The following ANKH variants were observed in gnomAD, a reference collection of about 807,000 sequenced individuals.
The protein encoded by ANKH is mineralization regulator ANKH.
Under a neutral mutation model 49.0 loss-of-function variants are expected in ANKH, and 15 were observed. That is an observed-to-expected ratio of 0.31 (90% CI 0.20 to 0.47). The LOEUF is 0.47. Among genes scored for constraint, ANKH ranks in the 20% least tolerant of loss-of-function variants. The pLI, the probability that ANKH is intolerant of heterozygous loss-of-function variation, is 1.00. For missense variants in ANKH, 429 were observed against 652.0 expected (o/e 0.66, Z 3.72); for synonymous variants, 273 against 260.0 (o/e 1.05, Z -0.48).
At chr5:14,751,645 A>AT (rs1351602828) in intron 4 of ANKH, among the ~76,000 whole-genome samples, 9 of 152,224 alleles carry the variant, frequency 5.9e-5, no homozygotes, top group Admixed American at 3.9e-4. Flanking sequence ...AAACCGAGAG[A>AT]TTTTTTGTAC....
At chr5:14,742,633 G>T (rs1045456856) in intron 7 of ANKH, among the ~76,000 whole-genome samples, 2 of 152,176 alleles carry the variant, frequency 1.3e-5, no homozygotes, top group Non-Finnish European at 2.9e-5. Context: ...GCTCTCTGAG[G>T]GCAGGCATCA....
At chr5:14,822,958 C>A (rs1329868805) in intron 1 of ANKH, among the ~76,000 whole-genome samples, 1 of 151,654 alleles carries the variant, frequency 6.6e-6, no homozygotes, top group Non-Finnish European at 1.5e-5. Flanking sequence ...GGCGTGAACC[C>A]GGAAGGCGGA....
Position 14,793,035 on chromosome 5 carries a change from A to T in ANKH, c.97-23844T>A, listed in dbSNP as rs7726096. On this transcript the variant is annotated intron_variant, in intron 1 of 11. Coordinates refer to ENST00000284268, the MANE Select transcript of ANKH (RefSeq NM_054027.6). ...ATATATATATAAATATATATATATA[A>T]AAATATATATATAAATATATATAAA... is the stretch of plus-strand genomic sequence containing the variant. Among the ~76,000 whole-genome samples the T allele has an allele frequency of 6.5e-3, 469 of 71,984 alleles. 4 individuals are homozygous for T. The highest frequency in any genetic ancestry group is 0.018 in the African/African-American group (293 of 16,048). The allele number at this position is 71,984 out of a possible 152,430, so 47.2% of individuals were successfully genotyped here. A position where few individuals can be genotyped will look rare whatever the true frequency, so the allele number is the denominator to read the frequency against.
chr5:14,821,113 T>A (rs866189425), intron 1 of ANKH, among the ~76,000 whole-genome samples: 2,286 of 135,336 alleles, frequency 0.017, 46 homozygotes, highest in African/African-American at 0.059. Context: ...AAAAAAAAAA[T>A]TTCAGTTATT....
intron 9 of ANKH, among the ~76,000 whole-genome samples, chr5:14,715,898 T>C (rs77484741): frequency 0.043 from 6,585 of 152,358 alleles, 184 homozygotes; most frequent in Middle Eastern, 0.12. Context: ...GTTTCTTTTC[T>C]GACCATCCAT....
At chr5:14,828,517 C>T (rs1028176181) in intron 1 of ANKH, among the ~76,000 whole-genome samples, 1 of 152,036 alleles carries the variant, frequency 6.6e-6, no homozygotes, top group African/African-American at 2.4e-5. Context: ...ACAGAGACTC[C>T]GTCTCAAAAA....
intron 1 of ANKH, among the ~76,000 whole-genome samples, chr5:14,856,713 T>G (rs940795584): frequency 6.6e-6 from 1 of 152,160 alleles, no homozygotes; most frequent in Non-Finnish European, 1.5e-5. Flanking sequence ...AAAGAACGTT[T>G]TCTCTTTGAT....
chr5:14,757,430 A>ATATATATATTTTTTTT (rs1379233165), intron 3 of ANKH, among the ~76,000 whole-genome samples: 8 of 113,788 alleles, frequency 7.0e-5, no homozygotes, highest in African/African-American at 1.3e-4. Flanking sequence ...ATATATATAT[A>ATATATATATTTTTTTT]TTTTTTTTTT....
chr5:14,715,251 C>T (rs757383476), intron 9 of ANKH, among the ~76,000 whole-genome samples: 1 of 152,212 alleles, frequency 6.6e-6, no homozygotes, highest in Admixed American at 6.5e-5. Flanking sequence ...CCTGCCTTAG[C>T]CTCCTGAGTA....
chr5:14,758,842 G>A (rs1168068156), intron 2 of ANKH, among the ~76,000 whole-genome samples: 4 of 152,170 alleles, frequency 2.6e-5, no homozygotes, highest in East Asian at 3.8e-4. Context: ...ACGTAAAAAC[G>A]AGATTGTATT....
At chr5:14,805,396 ACG>A (rs1491341328) in intron 1 of ANKH, among the ~76,000 whole-genome samples, 4 of 78,042 alleles carry the variant, frequency 5.1e-5, no homozygotes, top group African/African-American at 2.3e-4. Context: ...GTGTATATAT[ACG>A]TGTGTGTGTG....
chr5:14,716,613 G>A (rs1737471957), intron 9 of ANKH, 93 bp downstream of exon 9: 1 of 1,549,380 alleles, frequency 6.5e-7, no homozygotes, highest in Non-Finnish European at 8.9e-7. Context: ...TTTTACATTT[G>A]TGTTGGTGAC....
chr5:14,789,744 C>G (rs967111871), intron 1 of ANKH, among the ~76,000 whole-genome samples: 2 of 152,186 alleles, frequency 1.3e-5, no homozygotes, highest in Non-Finnish European at 2.9e-5. Flanking sequence ...CAGGATCTCA[C>G]TCTGTTGCCT....
chr5:14,730,807 C>T (rs890875988), intron 8 of ANKH, among the ~76,000 whole-genome samples: 3 of 152,232 alleles, frequency 2.0e-5, no homozygotes, highest in African/African-American at 7.2e-5. Context: ...CTCTATCTTG[C>T]CAGCTGCGCC....
At chr5:14,784,471 G>A (rs935602767) in intron 1 of ANKH, among the ~76,000 whole-genome samples, 5 of 152,154 alleles carry the variant, frequency 3.3e-5, no homozygotes, top group Admixed American at 6.5e-5. Flanking sequence ...GGCGGTGCAC[G>A]GCCTCACACA....
rs748110524 is a variant in ANKH at position 14,713,579 on chromosome 5, G to A, written c.1230C>T (p.Val410=). Reference sequence around the variant, plus strand: ...GTAGGACCACGAGGCTGGCGATGAGGACGATGATCCGCAGCACAGAGCTGG... The same window carrying A: ...GTAGGACCACGAGGCTGGCGATGAGAACGATGATCCGCAGCACAGAGCTGG... ...LAPSSVLRII[V]LIASLVVLPY... is the part of the protein sequence containing the mutation. The change falls in exon 10 of 12, where the codon GTC becomes GTT. Residue 410 remains valine (V), a synonymous_variant. Transcript: ENST00000284268. The surrounding 1 kb of genome is among the most constrained non-coding windows in gnomAD (Gnocchi z 4.4). The A allele has an allele frequency of 1.2e-6, 2 of 1,614,228 alleles. No homozygotes were observed. Among genetic ancestry groups the A allele is most frequent in the Non-Finnish European group, 1.7e-6 (2 of 1,180,048 alleles).
intron 1 of ANKH, among the ~76,000 whole-genome samples, chr5:14,791,156 G>A (rs967731382): frequency 6.6e-6 from 1 of 152,124 alleles, no homozygotes; most frequent in Non-Finnish European, 1.5e-5. Flanking sequence ...GAAATCACGT[G>A]GACCATCAGG....
chr5:14,840,456 T>C (rs1741785239), intron 1 of ANKH, among the ~76,000 whole-genome samples: 1 of 152,180 alleles, frequency 6.6e-6, no homozygotes, highest in East Asian at 1.9e-4. Context: ...AAACACACAT[T>C]ATTCTTTTCT....
At chr5:14,754,728 G>A (rs910993531) in intron 4 of ANKH, among the ~76,000 whole-genome samples, 6 of 152,154 alleles carry the variant, frequency 3.9e-5, no homozygotes, top group African/African-American at 1.4e-4. Context: ...TTTCAAGAAG[G>A]TGGCTAAGAG....
Sources: allele counts gnomAD v4.1 joint callset (sites outside exome capture counted in the v4.1 genomes callset), GRCh38; gene constraint gnomAD v4.1.1; non-coding constraint Gnocchi (gnomAD v3.1); transcripts MANE v1.5; gene names NCBI Gene and HGNC (gene_info 2026-07-23, HGNC 2026-07-21).